The following DYRK4 variants were observed in gnomAD, a reference collection of about 807,000 sequenced individuals.
The protein encoded by DYRK4 is dual specificity tyrosine phosphorylation regulated kinase 4, also known as dual specificity tyrosine-phosphorylation-regulated kinase 4.
DYRK4 carries 64 observed loss-of-function variants against 68.3 expected under a neutral mutation model. The ratio of observed to expected loss-of-function variants is 0.94; its 90% confidence interval spans 0.77 to 1.15. The LOEUF (loss-of-function observed/expected upper bound fraction) is 1.15, where lower values mean the gene tolerates loss of function less well. DYRK4 is among the 50% of genes most tolerant of loss of function. DYRK4 has a pLI of 0.00. For synonymous variants in DYRK4, 274 were observed against 289.9 expected (o/e 0.95, Z 0.56); for missense variants, 740 against 764.7 (o/e 0.97, Z 0.38).
chr12:4,581,936 C>T (rs1944846104), intron 2 of DYRK4, among the ~76,000 whole-genome samples: 1 of 152,186 alleles, frequency 6.6e-6, no homozygotes, highest in South Asian at 2.1e-4. Context: ...GGACCCAATT[C>T]TAAACACAAA....
At chr12:4,605,655 A>G (rs1450399002) in intron 11 of DYRK4, among the ~76,000 whole-genome samples, 1 of 149,906 alleles carries the variant, frequency 6.7e-6, no homozygotes, top group Non-Finnish European at 1.5e-5. Flanking sequence ...TGGTGTGCAA[A>G]TTTTGATAAT....
At chr12:4,583,720 T>A (rs1288149111) in intron 2 of DYRK4, among the ~76,000 whole-genome samples, 1 of 152,100 alleles carries the variant, frequency 6.6e-6, no homozygotes, top group Non-Finnish European at 1.5e-5. Context: ...GAAAGTGAGA[T>A]GGTTGTCAGC....
At chr12:4,566,221 G>T (rs1944675292) in intron 1 of DYRK4, among the ~76,000 whole-genome samples, 1 of 152,112 alleles carries the variant, frequency 6.6e-6, no homozygotes, top group Non-Finnish European at 1.5e-5. Context: ...TATTGCCAGA[G>T]AAATGGTACC....
chr12:4,605,298 G>A (rs1471890549), intron 11 of DYRK4, among the ~76,000 whole-genome samples: 2 of 152,206 alleles, frequency 1.3e-5, no homozygotes, highest in African/African-American at 4.8e-5. Flanking sequence ...AATAGTTGCA[G>A]AGGATGTCAT....
chr12:4,578,745 T>C (rs1236385761), intron 2 of DYRK4, among the ~76,000 whole-genome samples: 1 of 152,160 alleles, frequency 6.6e-6, no homozygotes, highest in African/African-American at 2.4e-5. Context: ...TGAGAGAGTA[T>C]GAATGGTTTG....
chr12:4,577,215 G>T (rs368442936), intron 2 of DYRK4, among the ~76,000 whole-genome samples: 5 of 151,656 alleles, frequency 3.3e-5, no homozygotes, highest in African/African-American at 1.2e-4. Context: ...ATTTTTTTTT[G>T]TGGATGTCCA....
chr12:4,572,988 G>C (rs572749166), intron 2 of DYRK4: 10 of 262,772 alleles, frequency 3.8e-5, no homozygotes, highest in African/African-American at 2.3e-4. Flanking sequence ...ATCCTGATCC[G>C]ACCATTTGGT....
chr12:4,591,307 T>C lies in DYRK4; in HGVS notation c.463+9T>C, dbSNP rs765247032. 19 of 1,613,584 alleles carry C rather than the reference T, an allele frequency of 1.2e-5. No homozygotes were observed. The highest frequency in any genetic ancestry group is 2.2e-5 in the East Asian group (1 of 44,844). On this transcript the variant is annotated intron_variant, in intron 5 of 14. Transcript: ENST00000543431. This position sits in a 1 kb window ranked among gnomAD's most constrained non-coding sequence, Gnocchi z 4.1. Reference sequence around the variant, plus strand: ...GACTCTGACAGCGGCAGGTATGCCTTTGGGGCAGTAGCAGGGTGGGGAGGT... The same window carrying C: ...GACTCTGACAGCGGCAGGTATGCCTCTGGGGCAGTAGCAGGGTGGGGAGGT...
intron 8 of DYRK4, chr12:4,597,127 C>A: frequency 3.8e-6 from 4 of 1,059,434 alleles, no homozygotes; most frequent in Non-Finnish European, 4.6e-6. Flanking sequence ...GCTGGCTGCT[C>A]AGAGTGGGAA....
chr12:4,580,737 G>A, intron 2 of DYRK4: 3 of 439,576 alleles, frequency 6.8e-6, no homozygotes, highest in South Asian at 3.2e-5. Flanking sequence ...GGAAGAAGTT[G>A]TGAGCTGATA....
chr12:4,563,135 C>T, intron 1 of DYRK4: 1 of 456,038 alleles, frequency 2.2e-6, no homozygotes, highest in South Asian at 1.5e-5. Context: ...ATGAAAATGT[C>T]CTTTGTCTTG....
chr12:4,591,208 G>GA lies in DYRK4; in HGVS notation c.376dup (p.Ile126AsnfsTer6). The GA allele has an allele frequency of 6.2e-7, 1 of 1,614,172 alleles. No individual in the cohort carries two copies. The highest frequency in any genetic ancestry group is 8.5e-7 in the Non-Finnish European group (1 of 1,180,024). On this transcript the variant is annotated frameshift_variant, in exon 5 of 15. Transcript: ENST00000543431. LOFTEE classifies it high-confidence loss of function. The surrounding 1 kb of genome is among the most constrained non-coding windows in gnomAD (Gnocchi z 4.1). ...GCCGGCCTCAGAGCTCAAGGCTTCA[G>GA]AAATACCTTTCCACCCTAGCATTAA...
At chr12:4,570,837 T>G (rs1257806165) in intron 2 of DYRK4, among the ~76,000 whole-genome samples, 1 of 152,192 alleles carries the variant, frequency 6.6e-6, no homozygotes, top group Non-Finnish European at 1.5e-5. Context: ...AGTGTGGCGC[T>G]CTCTCTAGTA....
In DYRK4 at chr12:4,588,970, C is replaced by A; in HGVS notation, c.166C>A (p.Pro56Thr). Reference sequence around the variant, plus strand: ...TAAACTTTCGGTTCAGATCCAGAAGCCACCTTCCAATATCAAGAACTCCAG... The same window carrying A: ...TAAACTTTCGGTTCAGATCCAGAAGACACCTTCCAATATCAAGAACTCCAG... ...GSKLSVQIQK[P>T]PSNIKNSRMT... Residue 56 changes from proline (P) to threonine (T), a missense_variant, in exon 3 of 15, where the codon CCA becomes ACA. By Grantham distance (38) the Pro-to-Thr change is conservative. Around this residue, in one of 3 missense-constraint regions of DYRK4, gnomAD observed 70 missense variants for 71.1 expected, o/e 0.98. Transcript: ENST00000543431. The A allele has an allele frequency of 6.5e-7, 1 of 1,536,100 alleles. No individual in the cohort carries two copies.
chr12:4,603,623 G>A (rs1485599561), intron 10 of DYRK4, among the ~76,000 whole-genome samples: 1 of 152,204 alleles, frequency 6.6e-6, no homozygotes, highest in Non-Finnish European at 1.5e-5. Context: ...GGACCACACT[G>A]CCATGGCAAC....
At chr12:4,567,857 T>C in intron 1 of DYRK4, 98 bp from the exon 2 acceptor site, 1 of 1,065,822 alleles carries the variant, frequency 9.4e-7, no homozygotes. Context: ...TGCCTTCTTT[T>C]CTTCAAACCT....
chr12:4,609,148 A>G (rs528554910), intron 12 of DYRK4, among the ~76,000 whole-genome samples: 22 of 152,296 alleles, frequency 1.4e-4, no homozygotes, highest in South Asian at 4.1e-4. Flanking sequence ...TATTTCTACC[A>G]TCAGCACTAG....
At chr12:4,582,251 C>T (rs1274782233) in intron 2 of DYRK4, among the ~76,000 whole-genome samples, 1 of 152,054 alleles carries the variant, frequency 6.6e-6, no homozygotes, top group African/African-American at 2.4e-5. Context: ...TCGAGACCAG[C>T]CTGACCAACA....
chr12:4,576,300 T>G (rs1415735596), intron 2 of DYRK4, among the ~76,000 whole-genome samples: 5 of 152,222 alleles, frequency 3.3e-5, no homozygotes, highest in Non-Finnish European at 7.3e-5. Context: ...GATGGCTTTT[T>G]TCATTTAGCA....
Sources: allele counts gnomAD v4.1 joint callset (sites outside exome capture counted in the v4.1 genomes callset), GRCh38; gene constraint gnomAD v4.1.1; regional missense constraint gnomAD v4.1.1; non-coding constraint Gnocchi (gnomAD v3.1); transcripts MANE v1.5; gene names NCBI Gene and HGNC (gene_info 2026-07-23, HGNC 2026-07-21).